SCLT1: variants seen among roughly 807,000 people sequenced by gnomAD.
SCLT1 encodes sodium channel and clathrin linker 1.
A neutral mutation model predicts 112.8 loss-of-function variants in SCLT1; 78 were observed. That is an observed-to-expected ratio of 0.69 (90% confidence interval 0.58 to 0.83). The LOEUF is 0.83. Ranked by LOEUF, SCLT1 falls within the 40% of genes least tolerant of loss-of-function variation. The pLI is 0.00. For synonymous variants in SCLT1, 257 were observed against 254.7 expected (o/e 1.01, Z -0.09); for missense variants, 747 against 770.4 (o/e 0.97, Z 0.36).
chr4:129,039,918 A>G (rs1747543892), intron 4 of SCLT1: 2 of 447,734 alleles, frequency 4.5e-6, no homozygotes, highest in South Asian at 3.0e-5. Flanking sequence ...ACACACACAC[A>G]CACACACACA....
intron 12 of SCLT1, among the ~76,000 whole-genome samples, chr4:128,957,992 C>T (rs1307218575): frequency 6.6e-6 from 1 of 152,098 alleles, no homozygotes; most frequent in African/African-American, 2.4e-5. Context: ...TTCTTGTCCC[C>T]CTCTCTATCT....
intron 11 of SCLT1, among the ~76,000 whole-genome samples, chr4:128,962,701 C>A (rs920883797): frequency 9.2e-5 from 14 of 152,186 alleles, no homozygotes; most frequent in Non-Finnish European, 2.1e-4. Context: ...TGTTTATCCA[C>A]CTATGTAAAA....
chr4:128,966,115 C>T (rs1740162732), intron 10 of SCLT1, among the ~76,000 whole-genome samples: 2 of 150,636 alleles, frequency 1.3e-5, no homozygotes, highest in Non-Finnish European at 3.0e-5. Context: ...CAGGCGTGAG[C>T]CACCGTGCTT....
intron 3 of SCLT1, among the ~76,000 whole-genome samples, chr4:128,877,567 GC>G (rs1280657046): frequency 4.6e-5 from 7 of 152,082 alleles, no homozygotes; most frequent in Non-Finnish European, 1.0e-4. Flanking sequence ...TGTAATCCTA[GC>G]TACTCAGGAG....
chr4:128,919,092 T>G (rs1452935289), intron 18 of SCLT1, among the ~76,000 whole-genome samples: 1 of 152,116 alleles, frequency 6.6e-6, no homozygotes, highest in African/African-American at 2.4e-5. Flanking sequence ...CAGATATTTA[T>G]AGACCTCTCC....
intron 9 of SCLT1, among the ~76,000 whole-genome samples, chr4:128,973,079 G>C (rs1740831920): frequency 7.2e-6 from 1 of 139,182 alleles, no homozygotes; most frequent in African/African-American, 2.5e-5. Context: ...TGTTTGGCTG[G>C]ACTAGTCTTC....
chr4:128,999,551 A>G (rs1311003137), intron 7 of SCLT1, 121 bp downstream of exon 7: 1 of 564,974 alleles, frequency 1.8e-6, no homozygotes, highest in Non-Finnish European at 3.0e-6. Flanking sequence ...AACATAAATA[A>G]TAAAGTGATT....
In SCLT1 at chr4:128,963,271, T is replaced by C. The variant is rs534469565; in HGVS notation, c.869+1956A>G. On this transcript the variant is annotated intron_variant, in intron 11 of 20. Coordinates refer to ENST00000281142, the MANE Select transcript of SCLT1 (RefSeq NM_144643.4). ...TATTTTTTAAAAACCCTATTTTTAA[T>C]AGTAGTATCCATTGGTGAATTTTCC... Among the ~76,000 whole-genome samples the C allele has an allele frequency of 7.2e-5, 11 of 152,324 alleles. No individual in the cohort carries two copies. The East Asian group carries it at 1.9e-3, about 27-fold the overall frequency.
chr4:129,026,056 C>A lies in SCLT1; in HGVS notation c.290+12985G>T, dbSNP rs1050404810. 8.7e-4 allele frequency among the ~76,000 whole-genome samples: 132 copies of A among 152,162 alleles called. 1 individual carries two copies. Among genetic ancestry groups the A allele is most frequent in the Non-Finnish European group, 2.1e-4 (14 of 68,038 alleles). ...AGCACCCACATACATAAAGCAAGTC[C>A]TGAGTGACCTACAAAGAGACTTAGA... On this transcript the variant is annotated intron_variant, in intron 5 of 20. Coordinates refer to ENST00000281142, the MANE Select transcript of SCLT1 (RefSeq NM_144643.4).
chr4:128,960,110 T>C (rs985623058), intron 11 of SCLT1, among the ~76,000 whole-genome samples: 63 of 152,188 alleles, frequency 4.1e-4, no homozygotes, highest in Non-Finnish European at 7.8e-4. Context: ...TACATGACAA[T>C]GATATAAAGC....
At chr4:128,888,658 G>A in intron 20 of SCLT1, 21 bp downstream of exon 20, 1 of 1,425,930 alleles carries the variant, frequency 7.0e-7, no homozygotes, top group African/African-American at 1.4e-5. Context: ...TATTATCTAG[G>A]GATAAGAGGA....
intron 18 of SCLT1, among the ~76,000 whole-genome samples, chr4:128,893,493 A>AGAAC (rs1435588074): frequency 6.6e-6 from 1 of 152,206 alleles, no homozygotes; most frequent in Non-Finnish European, 1.5e-5. Flanking sequence ...GCACTGTTCT[A>AGAAC]GGTGCTTTCA....
intron 5 of SCLT1, among the ~76,000 whole-genome samples, chr4:129,009,586 G>A (rs564235502): frequency 1.1e-3 from 159 of 151,002 alleles, no homozygotes; most frequent in Non-Finnish European, 2.0e-3. Flanking sequence ...GTTTCTACCA[G>A]CAGTGTAAAA....
intron 18 of SCLT1, among the ~76,000 whole-genome samples, chr4:128,920,661 C>T (rs2125959957): frequency 6.6e-6 from 1 of 152,254 alleles, no homozygotes; most frequent in South Asian, 2.1e-4. Context: ...ATGAACATAT[C>T]TCAAAATGAT....
chr4:129,017,446 C>A (rs554181105), intron 5 of SCLT1, among the ~76,000 whole-genome samples: 8 of 152,006 alleles, frequency 5.3e-5, no homozygotes, highest in African/African-American at 1.9e-4. Context: ...AAATACAGAT[C>A]AAATGAATTT....
intron 17 of SCLT1, among the ~76,000 whole-genome samples, 199 bp from the exon 18 acceptor site, chr4:128,937,050 G>A (rs2125982478): frequency 6.6e-6 from 1 of 152,124 alleles, no homozygotes; most frequent in East Asian, 1.9e-4. Flanking sequence ...AGGCCAAGGT[G>A]GGCAGATCAC....
chr4:128,885,315 A>G (rs1229929108), intron 20 of SCLT1, among the ~76,000 whole-genome samples: 1 of 152,212 alleles, frequency 6.6e-6, no homozygotes. Flanking sequence ...GCTGTCTTTC[A>G]TTCCATAGAC....
chr4:128,951,550 GA>G (rs1182731283), intron 14 of SCLT1, among the ~76,000 whole-genome samples: 19 of 152,200 alleles, frequency 1.2e-4, no homozygotes, highest in African/African-American at 4.6e-4. Flanking sequence ...TGAGAATACA[GA>G]AAGAATGAAT....
chr4:128,974,155 T>C (rs1482810219), intron 9 of SCLT1, among the ~76,000 whole-genome samples: 2 of 152,178 alleles, frequency 1.3e-5, no homozygotes, highest in South Asian at 2.1e-4. Context: ...ACAATGCAGC[T>C]ACCATCATCA....
Sources: gnomAD v4.1 joint callset for allele counts (sites outside exome capture counted in the v4.1 genomes callset) on GRCh38, gnomAD v4.1.1 for gene constraint, MANE v1.5 for transcripts, NCBI Gene and HGNC (gene_info 2026-07-23, HGNC 2026-07-21) for gene names.